The following IQCK variants were observed in gnomAD, a reference collection of about 807,000 sequenced individuals.
The protein encoded by IQCK is IQ domain-containing protein K.
IQCK carries 29 observed loss-of-function variants against 28.1 expected under a neutral mutation model. The ratio of observed to expected loss-of-function variants is 1.03; its 90% CI spans 0.77 to 1.41. The LOEUF (loss-of-function observed/expected upper bound fraction) is 1.41. IQCK is among the 40% of genes most tolerant of loss of function. The pLI, the probability that IQCK is intolerant of heterozygous loss-of-function variation, is 0.00. For synonymous variants in IQCK, 113 were observed against 115.1 expected (o/e 0.98, Z 0.12); for missense variants, 359 against 314.7 (o/e 1.14, Z -1.07).
chr16:19,827,273 C>A, downstream of IQCK: 1 of 635,546 alleles, frequency 1.6e-6, no homozygotes, highest in Admixed American at 2.8e-5. Context: ...GGGGAAGTGG[C>A]TGCATATTAA....
intron 6 of IQCK, among the ~76,000 whole-genome samples, chr16:19,770,143 A>G (rs191932865): frequency 4.5e-4 from 69 of 152,328 alleles, no homozygotes; most frequent in Non-Finnish European, 9.1e-4. Context: ...CAAGAGCCCC[A>G]CATTGAATGT....
chr16:19,770,496 C>G (rs185773213), intron 6 of IQCK, among the ~76,000 whole-genome samples: 6 of 152,180 alleles, frequency 3.9e-5, no homozygotes, highest in Non-Finnish European at 5.9e-5. Flanking sequence ...AAAATGTTTC[C>G]CTGCCTTTTC....
At chr16:19,814,106 G>T (rs2055944891) in intron 7 of IQCK, among the ~76,000 whole-genome samples, 1 of 151,498 alleles carries the variant, frequency 6.6e-6, no homozygotes, top group South Asian at 2.1e-4. Context: ...TGTAATCCCG[G>T]CTACTCAGGA....
intron 5 of IQCK, 51 bp downstream of exon 5, chr16:19,763,951 T>C (rs1457223201): frequency 2.5e-6 from 4 of 1,596,206 alleles, no homozygotes; most frequent in Non-Finnish European, 3.4e-6. Flanking sequence ...TCAGTCGTGT[T>C]AATTTGCAAG....
In IQCK at chr16:19,854,291, A is replaced by T. The variant is rs1053778938; in HGVS notation, c.803-2196A>T. Among the ~76,000 whole-genome samples, 17 of 152,378 alleles carry T rather than the reference A, an allele frequency of 1.1e-4. No homozygotes were observed. The East Asian group carries it at 3.3e-3, about 29-fold the overall frequency. The stretch of plus-strand genomic sequence containing the variant: ...ATCAGAATCACCTGGAGGCCTTGTT[A>T]AACTGTAGATGGGTGGGCTCCACCC... On this transcript the variant is annotated intron_variant, in intron 9 of 9. Coordinates refer to the IQCK transcript ENST00000320394.
At chr16:19,729,890 C>T (rs913923652) in intron 1 of IQCK, among the ~76,000 whole-genome samples, 6 of 151,880 alleles carry the variant, frequency 4.0e-5, no homozygotes, top group Admixed American at 1.3e-4. Flanking sequence ...GTGATCCGCC[C>T]GCCTCTGCCT....
chr16:19,850,219 G>T (rs2056465873), intron 9 of IQCK, among the ~76,000 whole-genome samples: 1 of 152,054 alleles, frequency 6.6e-6, no homozygotes. Context: ...AGACATTTTT[G>T]CTGTCCTGGT....
intron 7 of IQCK, among the ~76,000 whole-genome samples, chr16:19,824,243 TC>T (rs1207848409): frequency 1.3e-5 from 2 of 152,084 alleles, no homozygotes; most frequent in African/African-American, 4.8e-5. Flanking sequence ...TGGTGACAGA[TC>T]ATCTGGCACT....
intron 6 of IQCK, among the ~76,000 whole-genome samples, chr16:19,769,743 A>G (rs1438923469): frequency 1.3e-5 from 2 of 152,236 alleles, no homozygotes; most frequent in Non-Finnish European, 1.5e-5. Flanking sequence ...TTTTGGAAAG[A>G]TAATTCCTGA....
At chr16:19,820,636 G>A (rs1385862819) in intron 7 of IQCK, among the ~76,000 whole-genome samples, 3 of 136,848 alleles carry the variant, frequency 2.2e-5, no homozygotes, top group Non-Finnish European at 3.0e-5. Context: ...GCACCAGAGG[G>A]AAACTCTGTA....
At chr16:19,762,129 G>A (rs2055155789) in intron 4 of IQCK, 1 of 152,310 alleles carries the variant, frequency 6.6e-6, no homozygotes, top group Admixed American at 6.5e-5. Flanking sequence ...GGGCAGAACT[G>A]TATGACATAG....
At chr16:19,835,864 C>T (rs1416556138) in intron 9 of IQCK, among the ~76,000 whole-genome samples, 2 of 152,168 alleles carry the variant, frequency 1.3e-5, no homozygotes, top group Non-Finnish European at 2.9e-5. Context: ...GAATTACAGG[C>T]GTGAGCCATC....
chr16:19,728,579 TTCTG>T (rs1006473652), intron 1 of IQCK, among the ~76,000 whole-genome samples: 1 of 152,144 alleles, frequency 6.6e-6, no homozygotes, highest in Non-Finnish European at 1.5e-5. Flanking sequence ...AAAACCGAAA[TTCTG>T]TCAACAACCA....
chr16:19,751,630 T>A (rs991187678), intron 4 of IQCK, among the ~76,000 whole-genome samples: 3 of 152,084 alleles, frequency 2.0e-5, no homozygotes, highest in Non-Finnish European at 4.4e-5. Flanking sequence ...AGTAGCGAGA[T>A]GGATCAGGAC....
chr16:19,719,217 A>G (rs1393087531), intron 1 of IQCK, among the ~76,000 whole-genome samples: 1 of 152,106 alleles, frequency 6.6e-6, no homozygotes, highest in Non-Finnish European at 1.5e-5. Context: ...CAAAAGGATT[A>G]TTGGGGAAAA....
intron 6 of IQCK, among the ~76,000 whole-genome samples, chr16:19,786,694 T>A (rs1169277127): frequency 1.4e-5 from 2 of 140,476 alleles, no homozygotes; most frequent in Non-Finnish European, 3.0e-5. Context: ...TGAAACTTCA[T>A]TGAAAGGAAG....
intron 4 of IQCK, among the ~76,000 whole-genome samples, chr16:19,760,679 G>C (rs1281175444): frequency 2.0e-5 from 3 of 152,116 alleles, no homozygotes; most frequent in Non-Finnish European, 2.9e-5. Context: ...GATCTGGAGG[G>C]TATGTTATGG....
chr16:19,798,381 G>A (rs951848062), intron 7 of IQCK, among the ~76,000 whole-genome samples: 4 of 119,844 alleles, frequency 3.3e-5, no homozygotes, highest in Non-Finnish European at 6.0e-5. Context: ...TCATGCCATT[G>A]CACTCCAGCC....
At chr16:19,813,899 T>G (rs2055940511) in intron 7 of IQCK, among the ~76,000 whole-genome samples, 1 of 152,114 alleles carries the variant, frequency 6.6e-6, no homozygotes, top group African/African-American at 2.4e-5. Context: ...TCTAAGTAAT[T>G]TATTACATTA....
Sources: gnomAD v4.1 joint callset for allele counts (sites outside exome capture counted in the v4.1 genomes callset) on GRCh38, gnomAD v4.1.1 for gene constraint, MANE v1.5 for transcripts, NCBI Gene and HGNC (gene_info 2026-07-23, HGNC 2026-07-21) for gene names.